Variants in LNX1 observed in about 807,000 individuals in gnomAD.
LNX1 encodes E3 ubiquitin-protein ligase LNX.
A neutral mutation model predicts 68.4 loss-of-function variants in LNX1; 54 were observed. The observed-to-expected ratio is 0.79, with a 90% CI of 0.63 to 0.99. The LOEUF (loss-of-function observed/expected upper bound fraction) is 0.99, where lower values mean the gene tolerates loss of function less well. Among genes scored for constraint, LNX1 ranks in the 50% least tolerant of loss-of-function variants. The pLI, the probability that LNX1 is intolerant of heterozygous loss-of-function variation, is 0.00. For missense variants in LNX1, 906 were observed against 926.4 expected, an observed-to-expected ratio of 0.98 and a Z score of 0.29; for synonymous variants, 336 against 350.0, an observed-to-expected ratio of 0.96 and a Z score of 0.45.
intron 2 of LNX1, among the ~76,000 whole-genome samples, chr4:53,598,128 C>G (rs1262779104): frequency 6.6e-6 from 1 of 152,164 alleles, no homozygotes; most frequent in Non-Finnish European, 1.5e-5. Flanking sequence ...GGGCTCAGCT[C>G]AGATACCATC....
intron 2 of LNX1, among the ~76,000 whole-genome samples, chr4:53,597,663 T>C (rs1278857332): frequency 6.6e-6 from 1 of 152,206 alleles, no homozygotes; most frequent in African/African-American, 2.4e-5. Context: ...CAGATTTCTG[T>C]CTAGGAGGCT....
At chr4:53,582,232 G>A (rs1043814717) in intron 1 of LNX1, among the ~76,000 whole-genome samples, 2 of 152,210 alleles carry the variant, frequency 1.3e-5, no homozygotes, top group Admixed American at 6.5e-5. Context: ...CTTCCCAGGT[G>A]TGCCACTAAA....
At chr4:53,513,015 C>T (rs1408820733) in intron 2 of LNX1, among the ~76,000 whole-genome samples, 1 of 152,166 alleles carries the variant, frequency 6.6e-6, no homozygotes, top group Non-Finnish European at 1.5e-5. Flanking sequence ...CACCACATCT[C>T]CATGGCTTTG....
intron 2 of LNX1, among the ~76,000 whole-genome samples, chr4:53,523,644 A>ATT (rs1727407147): frequency 2.0e-5 from 3 of 152,208 alleles, no homozygotes; most frequent in Admixed American, 1.3e-4. Context: ...ATAGTAGCCT[A>ATT]TTAGTAGGAG....
chr4:53,651,480 G>T (rs1735096207), intron 1 of LNX1, among the ~76,000 whole-genome samples: 1 of 152,222 alleles, frequency 6.6e-6, no homozygotes, highest in Non-Finnish European at 1.5e-5. Context: ...GGATACTGTG[G>T]CTATCTATTT....
intron 4 of LNX1, among the ~76,000 whole-genome samples, chr4:53,504,112 G>A (rs1266680086): frequency 2.0e-5 from 3 of 152,152 alleles, no homozygotes; most frequent in African/African-American, 7.2e-5. Flanking sequence ...TCCAACCTGG[G>A]CTACAGAGCG....
At chr4:53,502,274 C>G (rs560207089) in intron 4 of LNX1, among the ~76,000 whole-genome samples, 1 of 151,614 alleles carries the variant, frequency 6.6e-6, no homozygotes, top group South Asian at 2.1e-4. Flanking sequence ...TTAATTTATA[C>G]TTCATTCTTC....
At chr4:53,473,799 CTAAAA>C (rs1038508858) in intron 9 of LNX1, among the ~76,000 whole-genome samples, 1 of 151,754 alleles carries the variant, frequency 6.6e-6, no homozygotes, top group African/African-American at 2.4e-5. Flanking sequence ...ACCCCTGAAC[CTAAAA>C]TAAAAGTTAA....
intron 1 of LNX1, among the ~76,000 whole-genome samples, chr4:53,648,517 A>T (rs1047194825): frequency 6.6e-6 from 1 of 152,106 alleles, no homozygotes; most frequent in Admixed American, 6.5e-5. Context: ...CCCTTCTCAG[A>T]TAGATGATTT....
intron 1 of LNX1, among the ~76,000 whole-genome samples, chr4:53,639,475 C>A (rs1734597030): frequency 6.6e-6 from 1 of 152,096 alleles, no homozygotes; most frequent in South Asian, 2.1e-4. Flanking sequence ...AATAAATTTT[C>A]TTTAATTAAA....
intron 1 of LNX1, among the ~76,000 whole-genome samples, chr4:53,644,096 A>AT (rs542996975): frequency 3.2e-4 from 48 of 152,250 alleles, no homozygotes; most frequent in Non-Finnish European, 5.1e-4. Flanking sequence ...CATTCTAGTG[A>AT]TAAAAAAAAG....
At chr4:53,575,673 C>A in intron 1 of LNX1, 4 of 1,385,362 alleles carry the variant, frequency 2.9e-6, no homozygotes, top group Middle Eastern at 3.9e-4. Flanking sequence ...GCATCTGGGA[C>A]CCACCCCCTG....
intron 2 of LNX1, among the ~76,000 whole-genome samples, chr4:53,523,752 A>T (rs979132247): frequency 2.0e-5 from 3 of 152,176 alleles, no homozygotes; most frequent in Non-Finnish European, 4.4e-5. Flanking sequence ...TGTAGAAATC[A>T]CTCTGCTTTT....
At chr4:53,629,882 A>G (rs1377137519) in intron 1 of LNX1, among the ~76,000 whole-genome samples, 2 of 152,156 alleles carry the variant, frequency 1.3e-5, no homozygotes, top group Admixed American at 6.5e-5. Flanking sequence ...ATGCTGCTTT[A>G]TCCTCTATAT....
chr4:53,586,584 C>T (rs371190686), intron 1 of LNX1, among the ~76,000 whole-genome samples: 9 of 152,126 alleles, frequency 5.9e-5, no homozygotes, highest in East Asian at 3.8e-4. Flanking sequence ...AAAATGTCCC[C>T]GGTTAATTGG....
rs369017319 is a variant in LNX1 at position 53,466,937 on chromosome 4, A to C, written c.1893-5344T>G. The stretch of plus-strand genomic sequence containing the variant: ...TGGGGGCAGGGCACAGACAAACAAA[A>C]GGCAGCAGTAACCTCTGCAGACTTA... On this transcript the variant is annotated intron_variant, in intron 9 of 10. Coordinates refer to ENST00000263925, the MANE Select transcript of LNX1 (RefSeq NM_001126328.3). 5.9e-5 allele frequency among the ~76,000 whole-genome samples: 9 copies of C among 152,334 alleles called. No homozygotes were observed. In the South Asian group the frequency reaches 1.9e-3, roughly 32 times the overall value.
At chr4:53,607,770 A>G (rs546372798) in intron 2 of LNX1, among the ~76,000 whole-genome samples, 8 of 152,322 alleles carry the variant, frequency 5.3e-5, no homozygotes, top group African/African-American at 1.7e-4. Context: ...GTACAAAAAC[A>G]GACACATAGA....
intron 2 of LNX1, among the ~76,000 whole-genome samples, chr4:53,610,207 T>G (rs1733425367): frequency 6.6e-6 from 1 of 152,128 alleles, no homozygotes; most frequent in South Asian, 2.1e-4. Context: ...AGAGTAATGA[T>G]TTTATAGTTA....
intron 2 of LNX1, among the ~76,000 whole-genome samples, chr4:53,515,544 G>A (rs1425768941): frequency 6.6e-6 from 1 of 151,230 alleles, no homozygotes; most frequent in African/African-American, 2.4e-5. Flanking sequence ...CAAGAAGACC[G>A]ACTTAAGAAA....
Sources: gnomAD v4.1 joint callset for allele counts (sites outside exome capture counted in the v4.1 genomes callset) on GRCh38, gnomAD v4.1.1 for gene constraint, MANE v1.5 for transcripts, NCBI Gene and HGNC (gene_info 2026-07-23, HGNC 2026-07-21) for gene names.